The following LAMB4 variants were observed in gnomAD, a reference collection of about 807,000 sequenced individuals.
LAMB4 encodes the protein laminin subunit beta-4.
In LAMB4, 196 loss-of-function variants were observed where a neutral mutation model predicts 199.2. The observed-to-expected ratio is 0.98, with a 90% confidence interval of 0.88 to 1.11. The LOEUF (loss-of-function observed/expected upper bound fraction) is 1.11, where lower values mean the gene tolerates loss of function less well. Ranked by LOEUF, LAMB4 falls within the 50% of genes least tolerant of loss-of-function variation. LAMB4 has a pLI of 0.00. For synonymous variants in LAMB4, 744 were observed against 770.6 expected (o/e 0.97, Z 0.57); for missense variants, 2,080 against 2,171.2 (o/e 0.96, Z 0.83).
chr7:108,065,623 C>T, intron 21 of LAMB4, 139 bp downstream of exon 21: 1 of 559,390 alleles, frequency 1.8e-6, no homozygotes, highest in Admixed American at 3.6e-5. Flanking sequence ...AATAAAGCAG[C>T]TATTTATCAC....
chr7:108,063,661 T>C, intron 22 of LAMB4, 100 bp downstream of exon 22: 1 of 1,066,174 alleles, frequency 9.4e-7, no homozygotes, highest in Non-Finnish European at 1.5e-6. Context: ...TTTTGCCTGC[T>C]GGGACTGGCC....
the LAMB4 span, among the ~76,000 whole-genome samples, chr7:108,017,168 G>C: frequency 6.6e-6 from 1 of 152,166 alleles, no homozygotes; most frequent in Admixed American, 6.5e-5. Context: ...CTGAAAGCTC[G>C]TTCAGCTGGC....
At position 108,098,426 on chromosome 7, in the gene LAMB4, G is replaced by C. The variant is rs778428120; in HGVS notation, c.1337C>G (p.Ala446Gly). The change falls in exon 11 of 34, where the codon GCC becomes GGC. Residue 446 changes from alanine to glycine, a missense_variant. Transcript: ENST00000388781. ...ACGCTGGCAGCCCAGGGGGTCGGTG[G>C]CGCTTAGTCCGTAGTGGTTGGGTTT... ...QCKPNHYGLS[A>G]TDPLGCQPCD... 6.2e-6 allele frequency: 10 copies of C among 1,611,516 alleles called. No homozygotes were observed. The East Asian group carries it at 1.8e-4, about 29-fold the overall frequency.
At chr7:108,126,760 G>T (rs1236767246) in intron 1 of LAMB4, among the ~76,000 whole-genome samples, 1 of 149,670 alleles carries the variant, frequency 6.7e-6, no homozygotes, top group East Asian at 1.9e-4. Flanking sequence ...AGTAGAGACG[G>T]GGTTTCACCT....
chr7:108,076,334 T>C (rs1336833317), intron 17 of LAMB4, among the ~76,000 whole-genome samples: 1 of 152,024 alleles, frequency 6.6e-6, no homozygotes, highest in Admixed American at 6.6e-5. Context: ...CCCCACTCTG[T>C]GGGGGAAAGA....
At chr7:108,071,934 C>T (rs1041748179) in intron 17 of LAMB4, among the ~76,000 whole-genome samples, 1 of 145,838 alleles carries the variant, frequency 6.9e-6, no homozygotes, top group Admixed American at 6.9e-5. Flanking sequence ...AAAATCTGAA[C>T]TTTTTTTTTT....
At chr7:108,083,824 A>C (rs1213305635) in intron 14 of LAMB4, among the ~76,000 whole-genome samples, 1 of 152,154 alleles carries the variant, frequency 6.6e-6, no homozygotes, top group Non-Finnish European at 1.5e-5. Flanking sequence ...GCTTCTTGTC[A>C]CTGTAACATT....
At chr7:108,073,286 G>A (rs534083093) in intron 17 of LAMB4, among the ~76,000 whole-genome samples, 16 of 152,336 alleles carry the variant, frequency 1.1e-4, no homozygotes, top group South Asian at 1.0e-3. Context: ...GATTACAGGC[G>A]TAAGCCACCG....
chr7:108,052,056 A>G (rs182947815), intron 26 of LAMB4, 41 bp downstream of exon 26: 3 of 1,554,140 alleles, frequency 1.9e-6, no homozygotes, highest in East Asian at 4.5e-5. Context: ...GATTTCATCA[A>G]ACTTTGTGCA....
At chr7:108,063,609 G>C in intron 22 of LAMB4, 152 bp downstream of exon 22, 4 of 704,858 alleles carry the variant, frequency 5.7e-6, no homozygotes, top group Non-Finnish European at 1.0e-5. Context: ...AATTTCTGTT[G>C]ATGAGTTCCG....
chr7:108,079,707 G>A lies in LAMB4; in HGVS notation c.1781C>T (p.Thr594Ile), dbSNP rs920946113. 7 of 1,612,402 alleles carry A rather than the reference G, an allele frequency of 4.3e-6. No homozygotes were observed. The African/African-American group carries it at 9.3e-5, about 22-fold the overall frequency. Residue 594 changes from threonine (T) to isoleucine (I), a missense_variant, in exon 15 of 34, where the codon ACT (threonine) becomes ATT (isoleucine). Transcript: ENST00000388781. ...EPVPGNPVTW[T>I]GPGFARVLPG... Reference sequence around the variant, plus strand: ...GAGAACCCTGGCAAATCCAGGTCCAGTCCATGTAACAGGGTTCCCAGGAAC... The same window carrying A: ...GAGAACCCTGGCAAATCCAGGTCCAATCCATGTAACAGGGTTCCCAGGAAC...
chr7:108,106,508 C>A lies in LAMB4; in HGVS notation c.655+1G>T, dbSNP rs771130931. On this transcript the variant is annotated splice_donor_variant, in intron 7 of 33. Coordinates refer to ENST00000388781, the MANE Select transcript of LAMB4 (RefSeq NM_007356.3). LOFTEE classifies it high-confidence loss of function. ...TATGAAAAATATAAAGGAATTCATA[C>A]CTTGGATGTAGGGGCTATAAGGGTT... 2 of 1,546,444 alleles carry A rather than the reference C, an allele frequency of 1.3e-6. No homozygotes were observed. The highest frequency in any genetic ancestry group is 2.2e-5 in the East Asian group (1 of 44,550).
chr7:108,116,981 G>T (rs2038430924), intron 2 of LAMB4, among the ~76,000 whole-genome samples: 1 of 152,178 alleles, frequency 6.6e-6, no homozygotes, highest in Non-Finnish European at 1.5e-5. Context: ...AGTCTATAGT[G>T]AGCTATAATG....
chr7:108,107,708 A>T lies in LAMB4; in HGVS notation c.514T>A (p.Ser172Thr). ...DCATSFPNIT[S>T]GQAQGVGDIV... Reference sequence around the variant, plus strand: ...TCTCCCACTCCCTGGGCCTGGCCAGATGTGATGTTAGGAAAGGAAGTGGCA... The same window carrying T: ...TCTCCCACTCCCTGGGCCTGGCCAGTTGTGATGTTAGGAAAGGAAGTGGCA... Residue 172 changes from serine (S) to threonine (T), a missense_variant, in exon 6 of 34, where the codon TCT becomes ACT. Coordinates refer to ENST00000388781, the MANE Select transcript of LAMB4 (RefSeq NM_007356.3). 1 of 1,613,870 alleles carries T rather than the reference A, an allele frequency of 6.2e-7. No individual in the cohort carries two copies. Among genetic ancestry groups the T allele is most frequent in the Non-Finnish European group, 8.5e-7 (1 of 1,179,904 alleles).
intron 31 of LAMB4, among the ~76,000 whole-genome samples, chr7:108,031,889 A>T (rs1051446997): frequency 6.6e-6 from 1 of 152,202 alleles, no homozygotes; most frequent in Non-Finnish European, 1.5e-5. Context: ...CATATTGATC[A>T]TATCTAGAAG....
chr7:108,039,734 G>T (rs1431439929), intron 29 of LAMB4, among the ~76,000 whole-genome samples: 4 of 152,164 alleles, frequency 2.6e-5, no homozygotes. Context: ...CTCCCAAAGT[G>T]CTGGGATTAC....
Position 108,043,843 on chromosome 7 carries a change from C to T in LAMB4, c.4380G>A (p.Leu1460=), listed in dbSNP as rs140212937. ...AEVSKNNALQ[L]REKLGNIRNQ... is the part of the protein sequence containing the mutation. ...TTCTTATATTTCCCAGTTTTTCCCTCAGCTGTAAGGCATTGTTTTTGGAGA... is the reference window on the plus strand; with the variant it reads ...TTCTTATATTTCCCAGTTTTTCCCTTAGCTGTAAGGCATTGTTTTTGGAGA... The change falls in exon 29 of 34, where the codon CTG becomes CTA. Residue 1460 remains leucine, a synonymous_variant. Transcript: ENST00000388781. 2.2e-4 allele frequency: 356 copies of T among 1,609,706 alleles called. 3 individuals carry two copies. In the African/African-American group the frequency reaches 4.4e-3, roughly 20 times the overall value.
In LAMB4 at chr7:108,063,794, G is replaced by C. The variant is rs1364985336; in HGVS notation, c.3028C>G (p.His1010Asp). The stretch of plus-strand genomic sequence containing the variant: ...GTCTGATTGAGGGCTGATCCATAGT[G>C]ACCTGGTTTGCAGAGCTGGCAGTTT... ...GANCQLCKPGHYGSALNQTCR... is the reference protein window; with the variant it reads ...GANCQLCKPGDYGSALNQTCR... The change falls in exon 22 of 34, where the codon CAC becomes GAC. Residue 1010 changes from histidine (H) to aspartate (D), a missense_variant. Coordinates refer to ENST00000388781, the MANE Select transcript of LAMB4 (RefSeq NM_007356.3). 1 of 1,614,178 alleles carries C rather than the reference G, an allele frequency of 6.2e-7. No individual in the cohort carries two copies. Among genetic ancestry groups the C allele is most frequent in the Non-Finnish European group, 8.5e-7 (1 of 1,180,020 alleles).
intron 9 of LAMB4, 141 bp from the exon 10 acceptor site, chr7:108,103,373 C>A: frequency 1.6e-6 from 1 of 606,276 alleles, no homozygotes; most frequent in Admixed American, 3.0e-5. Flanking sequence ...ACCAAGCAAA[C>A]ACAGGGCCAA....
Sources: allele counts gnomAD v4.1 joint callset (sites outside exome capture counted in the v4.1 genomes callset), GRCh38; gene constraint gnomAD v4.1.1; transcripts MANE v1.5; gene names NCBI Gene and HGNC (gene_info 2026-07-23, HGNC 2026-07-21).